Variants in ANO10 observed in about 807,000 individuals in gnomAD.
The protein encoded by ANO10 is anoctamin 10.
In ANO10, 77 loss-of-function variants were observed where a neutral mutation model predicts 74.7. The ratio of observed to expected loss-of-function variants is 1.03; its 90% CI spans 0.86 to 1.25. ANO10 has a LOEUF of 1.25. ANO10 is among the 50% of genes most tolerant of loss of function. The pLI is 0.00. For missense variants in ANO10, 721 were observed against 778.1 expected (o/e 0.93, Z 0.87); for synonymous variants, 279 against 284.9 (o/e 0.98, Z 0.21).
At chr3:43,608,806 A>G (rs757954419) in intron 1 of ANO10, among the ~76,000 whole-genome samples, 7 of 151,962 alleles carry the variant, frequency 4.6e-5, no homozygotes, top group Non-Finnish European at 7.4e-5. Flanking sequence ...GTCTCAAACT[A>G]CTGAGCTCAA....
At chr3:43,462,451 G>A (rs540091097) in intron 11 of ANO10, among the ~76,000 whole-genome samples, 9 of 152,164 alleles carry the variant, frequency 5.9e-5, no homozygotes, top group South Asian at 4.2e-4. Flanking sequence ...GGCTGGTCTC[G>A]AACTCCTGAC....
At chr3:43,603,456 C>CT (rs1339308089) in intron 2 of ANO10, among the ~76,000 whole-genome samples, 1 of 151,748 alleles carries the variant, frequency 6.6e-6, no homozygotes. Context: ...TTACTGAGTG[C>CT]TTTTTTCCTA....
At chr3:43,675,144 T>A (rs1249518370) in intron 1 of ANO10, among the ~76,000 whole-genome samples, 4 of 152,172 alleles carry the variant, frequency 2.6e-5, no homozygotes, top group Admixed American at 6.5e-5. Flanking sequence ...TTTTCCAATA[T>A]ATGGTGTTGG....
rs201722487 is a variant in ANO10, at chr3:43,431,482, GTGATGA to G, written c.1914+1123_1914+1128del. Among the ~76,000 whole-genome samples, 74 of 152,034 alleles carry G rather than the reference GTGATGA, an allele frequency of 4.9e-4. No individual in the cohort carries two copies. In the East Asian group the frequency reaches 0.014, roughly 28 times the overall value. On this transcript the variant is annotated intron_variant, in intron 12 of 12. Transcript: ENST00000292246. The stretch of plus-strand genomic sequence containing the variant: ...ACCTCTAGAAGAATGCTAGCTGTCA[GTGATGA>G]TGATGGATTTTCTGCCATTGCTGGG...
Position 43,393,182 on chromosome 3 carries a change from C to G in ANO10, c.1915-26208G>C, listed in dbSNP as rs535924939. ...ACACTCACATAACCAATGCCTACCT[C>G]ATATTTCCCTTGGATGTTAATAAAT... On this transcript the variant is annotated intron_variant, in intron 12 of 12. Transcript: ENST00000292246. Among the ~76,000 whole-genome samples, 4 of 152,326 alleles carry G rather than the reference C, an allele frequency of 2.6e-5. No homozygotes were observed. The South Asian group carries it at 8.3e-4, about 32-fold the overall frequency.
At chr3:43,687,102 A>C (rs1415696099) in intron 1 of ANO10, among the ~76,000 whole-genome samples, 2 of 148,354 alleles carry the variant, frequency 1.3e-5, no homozygotes, top group Non-Finnish European at 3.0e-5. Context: ...TGTCCTTCTT[A>C]TTATCTCCCT....
rs138711894 is a variant in ANO10 at position 43,483,453 on chromosome 3, G to C, written c.1798-50726C>G. Among the ~76,000 whole-genome samples, 452 of 152,270 alleles carry C rather than the reference G, an allele frequency of 3.0e-3. 1 individual carries two copies. Among genetic ancestry groups the C allele is most frequent in the African/African-American group, 0.01 (418 of 41,538 alleles). On this transcript the variant is annotated intron_variant, in intron 11 of 12. Transcript: ENST00000292246. ...AACAGTTCATGTCCATGCCTCTGGG[G>C]TAACACGTAACACTTGGTCTGGTTC...
intron 12 of ANO10, among the ~76,000 whole-genome samples, chr3:43,411,956 G>C (rs558990846): frequency 4.6e-5 from 7 of 151,062 alleles, no homozygotes; most frequent in African/African-American, 1.7e-4. Context: ...TGTGCCTGTG[G>C]ATAGGATAGG....
At chr3:43,556,352 T>C (rs2079749333) in intron 9 of ANO10, among the ~76,000 whole-genome samples, 1 of 152,156 alleles carries the variant, frequency 6.6e-6, no homozygotes, top group Non-Finnish European at 1.5e-5. Flanking sequence ...GGTGTGCTAT[T>C]GGGAAGCCTC....
At chr3:43,512,160 T>C (rs2077533477) in intron 11 of ANO10, among the ~76,000 whole-genome samples, 2 of 152,156 alleles carry the variant, frequency 1.3e-5, no homozygotes, top group African/African-American at 4.8e-5. Context: ...GATTCTATCA[T>C]ATTTAGCTCC....
intron 11 of ANO10, among the ~76,000 whole-genome samples, chr3:43,504,881 C>A (rs954956913): frequency 1.3e-5 from 2 of 152,108 alleles, no homozygotes; most frequent in African/African-American, 4.8e-5. Context: ...ACCTCGTAAT[C>A]CTCCCACCTC....
At chr3:43,649,277 G>T (rs1227992374) in intron 1 of ANO10, among the ~76,000 whole-genome samples, 3 of 152,074 alleles carry the variant, frequency 2.0e-5, no homozygotes, top group Non-Finnish European at 4.4e-5. Context: ...GTTATGTTTT[G>T]TTTACCTCAC....
chr3:43,485,272 G>T, intron 11 of ANO10: 1 of 609,624 alleles, frequency 1.6e-6, no homozygotes, highest in African/African-American at 1.8e-5. Context: ...GCTGTTTGCC[G>T]CCCTTTGCCA....
chr3:43,615,391 G>A (rs191978115), intron 1 of ANO10, among the ~76,000 whole-genome samples: 7 of 152,084 alleles, frequency 4.6e-5, no homozygotes, highest in African/African-American at 9.6e-5. Flanking sequence ...GTCTGTTTAC[G>A]TGAATAAAAG....
chr3:43,683,418 T>A, intron 1 of ANO10, among the ~76,000 whole-genome samples: 1 of 151,972 alleles, frequency 6.6e-6, no homozygotes. Flanking sequence ...CACTGCTCAA[T>A]GAAACAAAAG....
chr3:43,507,621 G>A (rs550471006), intron 11 of ANO10, among the ~76,000 whole-genome samples: 1 of 152,066 alleles, frequency 6.6e-6, no homozygotes, highest in Non-Finnish European at 1.5e-5. Flanking sequence ...CTGGACTGCA[G>A]GAGAGTCACT....
chr3:43,462,222 T>C (rs1372556516), intron 11 of ANO10, among the ~76,000 whole-genome samples: 1 of 152,090 alleles, frequency 6.6e-6, no homozygotes, highest in East Asian at 1.9e-4. Flanking sequence ...TTGAAAGCAT[T>C]CAGTATTTTG....
At chr3:43,567,718 A>G (rs1203612388) in intron 7 of ANO10, among the ~76,000 whole-genome samples, 1 of 152,152 alleles carries the variant, frequency 6.6e-6, no homozygotes, top group African/African-American at 2.4e-5. Flanking sequence ...GGTACCAGCC[A>G]CTGCAAAATC....
intron 11 of ANO10, among the ~76,000 whole-genome samples, chr3:43,487,171 A>G (rs1467125671): frequency 6.6e-6 from 1 of 150,534 alleles, no homozygotes; most frequent in Non-Finnish European, 1.5e-5. Context: ...ATCACGGTGG[A>G]TAAGCTTTTT....
Sources: allele counts gnomAD v4.1 joint callset (sites outside exome capture counted in the v4.1 genomes callset), GRCh38; gene constraint gnomAD v4.1.1; transcripts MANE v1.5; gene names NCBI Gene and HGNC (gene_info 2026-07-23, HGNC 2026-07-21).